The following DIS3L variants were observed in gnomAD, a reference collection of about 807,000 sequenced individuals.
The protein encoded by DIS3L is DIS3-like exonuclease 1.
A neutral mutation model predicts 120.3 loss-of-function variants in DIS3L; 100 were observed. That is an observed-to-expected ratio of 0.83 (90% CI 0.71 to 0.98). The LOEUF (loss-of-function observed/expected upper bound fraction) is 0.98. DIS3L is among the 50% of genes least tolerant of loss of function. The pLI is 0.00. For missense variants in DIS3L, 1,196 were observed against 1,314.2 expected (o/e 0.91, Z 1.39); for synonymous variants, 426 against 470.6 (o/e 0.91, Z 1.23).
intron 2 of DIS3L, among the ~76,000 whole-genome samples, chr15:66,299,752 T>G (rs1158051246): frequency 6.6e-6 from 1 of 152,210 alleles, no homozygotes; most frequent in East Asian, 1.9e-4. Context: ...ATGTCAACAT[T>G]GAAACTAAAA....
chr15:66,326,608 C>A, intron 12 of DIS3L: 1 of 431,800 alleles, frequency 2.3e-6, no homozygotes, highest in South Asian at 2.5e-5. Flanking sequence ...TAGATAGAGT[C>A]TTGCTCTGTC....
intron 14 of DIS3L, among the ~76,000 whole-genome samples, chr15:66,331,065 GA>G (rs2092993531): frequency 6.6e-6 from 1 of 152,180 alleles, no homozygotes; most frequent in Non-Finnish European, 1.5e-5. Context: ...TGAGGCAGGA[GA>G]ATCACTTGAA....
chr15:66,306,871 G>A lies in DIS3L; in HGVS notation c.341G>A (p.Cys114Tyr), dbSNP rs751969880. 1.9e-6 allele frequency: 3 copies of A among 1,614,138 alleles called. No homozygotes were observed. In the South Asian group the frequency reaches 3.3e-5, roughly 18 times the overall value. Reference sequence around the variant, plus strand: ...CTGCTGAAGGATGCGCGTCATGATTGCATTCTCTTTGCTAATGAATTCCAG... The same window carrying A: ...CTGCTGAAGGATGCGCGTCATGATTACATTCTCTTTGCTAATGAATTCCAG... ...RNLLKDARHD[C>Y]ILFANEFQQC... Residue 114 changes from cysteine to tyrosine, a missense_variant, in exon 3 of 17, where the codon TGC (cysteine) becomes TAC (tyrosine). By Grantham distance (194) the Cys-to-Tyr change is radical (BLOSUM62 -2). Transcript: ENST00000319212.
At chr15:66,299,860 G>A (rs1044818563) in intron 2 of DIS3L, among the ~76,000 whole-genome samples, 1 of 152,068 alleles carries the variant, frequency 6.6e-6, no homozygotes, top group East Asian at 1.9e-4. Flanking sequence ...GTTCCAGACT[G>A]GGCAACACGG....
At chr15:66,311,224 G>A (rs1395906142) in intron 4 of DIS3L, among the ~76,000 whole-genome samples, 1 of 152,058 alleles carries the variant, frequency 6.6e-6, no homozygotes, top group Non-Finnish European at 1.5e-5. Context: ...TTAGCCATGT[G>A]TGGTGGCATG....
intron 4 of DIS3L, 134 bp downstream of exon 4, chr15:66,308,978 C>G: frequency 1.1e-6 from 1 of 911,336 alleles, no homozygotes; most frequent in African/African-American, 1.7e-5. Context: ...GGCGTGGTGG[C>G]TCATGCCTGT....
chr15:66,329,615 G>T, intron 14 of DIS3L: 1 of 1,253,148 alleles, frequency 8.0e-7, no homozygotes. Flanking sequence ...TCCGAAAGGT[G>T]GAAATGTAAA....
intron 12 of DIS3L, among the ~76,000 whole-genome samples, chr15:66,328,098 T>A (rs2092957927): frequency 6.6e-6 from 1 of 152,222 alleles, no homozygotes; most frequent in African/African-American, 2.4e-5. Context: ...TCCTCTTGGT[T>A]AATTCTTAAT....
At chr15:66,305,274 C>A (rs932953594) in intron 2 of DIS3L, among the ~76,000 whole-genome samples, 26 of 152,040 alleles carry the variant, frequency 1.7e-4, no homozygotes, top group Non-Finnish European at 3.5e-4. Flanking sequence ...GCTGGGATTA[C>A]ATGTGTGAGC....
At chr15:66,318,344 A>T in intron 7 of DIS3L, 105 bp from the exon 8 acceptor site, 3 of 1,303,778 alleles carry the variant, frequency 2.3e-6, no homozygotes, top group Non-Finnish European at 3.1e-6. Context: ...GAAAAAAAAT[A>T]GGACACTGTA....
intron 6 of DIS3L, among the ~76,000 whole-genome samples, chr15:66,314,445 T>C (rs1056568563): frequency 6.6e-6 from 1 of 152,244 alleles, no homozygotes; most frequent in Non-Finnish European, 1.5e-5. Context: ...CAATGTGCTA[T>C]ATTGCTTTAT....
chr15:66,303,826 T>C (rs1364931042), intron 2 of DIS3L, among the ~76,000 whole-genome samples: 1 of 152,044 alleles, frequency 6.6e-6, no homozygotes, highest in Non-Finnish European at 1.5e-5. Flanking sequence ...GCGCGGTGGC[T>C]CATGCCTGTA....
chr15:66,323,425 G>A (rs574186379), intron 10 of DIS3L, 68 bp from the exon 11 acceptor site: 2 of 1,539,312 alleles, frequency 1.3e-6, no homozygotes, highest in Admixed American at 3.3e-5. Context: ...CCTCCCTGCG[G>A]CCCACACAGT....
intron 6 of DIS3L, 129 bp downstream of exon 6, chr15:66,314,246 TGA>T: frequency 1.6e-6 from 1 of 640,660 alleles, no homozygotes; most frequent in South Asian, 5.0e-5. Context: ...ATTGGGTATG[TGA>T]GATTGTGGCG....
chr15:66,294,908 C>A, intron 1 of DIS3L, 80 bp from the exon 2 acceptor site: 1 of 1,371,270 alleles, frequency 7.3e-7, no homozygotes. Flanking sequence ...AGTTATTTTG[C>A]ATGCCAGAGC....
chr15:66,314,237 T>C (rs912639396), intron 6 of DIS3L, 120 bp downstream of exon 6: 12 of 712,156 alleles, frequency 1.7e-5, no homozygotes, highest in Non-Finnish European at 2.3e-5. Context: ...CCTACATACA[T>C]TGGGTATGTG....
chr15:66,326,290 C>A lies in DIS3L; in HGVS notation c.2127C>A (p.His709Gln). The change falls in exon 12 of 17, where the codon CAC becomes CAA. Residue 709 changes from histidine (H) to glutamine (Q), a missense_variant. Transcript: ENST00000319212. ...SFPHQALLRQ[H>Q]PPPHQEFFSE... The stretch of plus-strand genomic sequence containing the variant: ...CTCATCAGGCCTTGCTGCGCCAGCA[C>A]CCTCCTCCACACCAGGAGTTCTTTT... 14 of 1,614,204 alleles carry A rather than the reference C, an allele frequency of 8.7e-6. No homozygotes were observed. Among genetic ancestry groups the A allele is most frequent in the Non-Finnish European group, 1.1e-5 (13 of 1,180,046 alleles).
At chr15:66,303,827 C>G (rs1159050881) in intron 2 of DIS3L, among the ~76,000 whole-genome samples, 3 of 152,052 alleles carry the variant, frequency 2.0e-5, no homozygotes, top group African/African-American at 7.2e-5. Context: ...CGCGGTGGCT[C>G]ATGCCTGTAA....
At chr15:66,321,883 A>T (rs555763741) in intron 9 of DIS3L, among the ~76,000 whole-genome samples, 1 of 152,194 alleles carries the variant, frequency 6.6e-6, no homozygotes, top group Non-Finnish European at 1.5e-5. Context: ...AAGGGTATAA[A>T]AGATTTAAAT....
Sources: gnomAD v4.1 joint callset for allele counts (sites outside exome capture counted in the v4.1 genomes callset) on GRCh38, gnomAD v4.1.1 for gene constraint, MANE v1.5 for transcripts, NCBI Gene and HGNC (gene_info 2026-07-23, HGNC 2026-07-21) for gene names.